The following AGO2 variants were observed in gnomAD, a reference collection of about 807,000 sequenced individuals.
The protein encoded by AGO2 is argonaute RISC catalytic component 2.
Under a neutral mutation model 102.3 loss-of-function variants are expected in AGO2, and 5 were observed. The observed-to-expected ratio is 0.05, with a 90% CI of 0.03 to 0.10. The LOEUF (loss-of-function observed/expected upper bound fraction) is 0.10. AGO2 is among the 10% of genes least tolerant of loss of function. The probability of loss-of-function intolerance (pLI) is 1.00; values close to 1 mark genes in which losing one functional copy is unlikely to be tolerated. For missense variants in AGO2, 541 were observed against 1,183.7 expected (o/e 0.46, Z 7.97); for synonymous variants, 449 against 473.1 (o/e 0.95, Z 0.66).
chr8:140,637,106 T>C (rs1048140247), upstream of AGO2: 4 of 152,300 alleles, frequency 2.6e-5, no homozygotes, highest in African/African-American at 7.2e-5. Context: ...GGCCTGTTCC[T>C]TCCTGCAATG....
chr8:140,580,144 T>C (rs1325199954), intron 2 of AGO2, among the ~76,000 whole-genome samples: 2 of 152,146 alleles, frequency 1.3e-5, no homozygotes, highest in Non-Finnish European at 2.9e-5. Context: ...GGCTGTGTTG[T>C]GCAGCCACCT....
At chr8:140,569,158 G>A (rs2073339470) in intron 3 of AGO2, among the ~76,000 whole-genome samples, 2 of 152,240 alleles carry the variant, frequency 1.3e-5, no homozygotes. Context: ...GCCATGGCAT[G>A]GCTGAGCTGC....
rs1554707883 is a variant in AGO2, at chr8:140,588,587, G to GAGT, written c.23-3277_23-3276insACT. Among the ~76,000 whole-genome samples the GAGT allele has an allele frequency of 1.7e-4, 25 of 143,154 alleles. 1 individual carries two copies. The highest frequency in any genetic ancestry group is 3.0e-4 in the Non-Finnish European group (20 of 65,900). 93.9% of individuals were successfully genotyped at this position (143,154 alleles called of 152,430 possible). On this transcript the variant is annotated intron_variant, in intron 1 of 18. Transcript: ENST00000220592. Reference sequence around the variant, plus strand: ...GGGAAGGAGGGAGGGAGTAAAGAAGGGAGGCAGGGAGAGAGGGAGGGAGGG... The same window carrying GAGT: ...GGGAAGGAGGGAGGGAGTAAAGAAGGAGTGAGGCAGGGAGAGAGGGAGGGAGGG...
At chr8:140,559,668 A>G (rs1027515774) in intron 5 of AGO2, 139 bp from the exon 6 acceptor site, 16 of 1,155,812 alleles carry the variant, frequency 1.4e-5, no homozygotes, top group Middle Eastern at 5.7e-4. Flanking sequence ...TACTGAGGCT[A>G]GCCTCAGGCC....
intron 7 of AGO2, among the ~76,000 whole-genome samples, chr8:140,558,127 G>A (rs910784470): frequency 6.6e-6 from 1 of 152,202 alleles, no homozygotes; most frequent in East Asian, 1.9e-4. Context: ...GATGGGACAC[G>A]CGGACTGGCC....
intron 1 of AGO2, among the ~76,000 whole-genome samples, chr8:140,591,029 T>A (rs62529972): frequency 6.6e-6 from 1 of 151,898 alleles, no homozygotes; most frequent in Non-Finnish European, 1.5e-5. Context: ...CTTGGGCCCA[T>A]GGGAAGGCTG....
intron 13 of AGO2, 61 bp downstream of exon 13, chr8:140,547,407 C>A: frequency 1.3e-6 from 2 of 1,580,366 alleles, no homozygotes; most frequent in East Asian, 2.2e-5. Context: ...CTGCACCCCA[C>A]CCTGCCAAGC....
At chr8:140,629,738 G>A (rs1334353230) in intron 1 of AGO2, among the ~76,000 whole-genome samples, 1 of 151,816 alleles carries the variant, frequency 6.6e-6, no homozygotes, top group Non-Finnish European at 1.5e-5. Context: ...GCCCAAAAGG[G>A]CTGAGGTGGA....
chr8:140,580,592 C>A (rs1489335819), intron 2 of AGO2, among the ~76,000 whole-genome samples: 3 of 152,192 alleles, frequency 2.0e-5, no homozygotes, highest in East Asian at 1.9e-4. Flanking sequence ...ATCCACCTCC[C>A]CACTGGGGAC....
chr8:140,593,570 AAC>A (rs2133034744), intron 1 of AGO2, among the ~76,000 whole-genome samples: 1 of 134,762 alleles, frequency 7.4e-6, no homozygotes, highest in Non-Finnish European at 1.6e-5. Context: ...AAAAAAAAAA[AAC>A]TTTGTGCCCT....
intron 14 of AGO2, among the ~76,000 whole-genome samples, chr8:140,543,119 A>G (rs1011148969): frequency 6.6e-6 from 1 of 151,752 alleles, no homozygotes; most frequent in Non-Finnish European, 1.5e-5. Context: ...CCCGGGTGAC[A>G]GTTACTCTGT....
At chr8:140,626,555 C>A (rs1253813522) in intron 1 of AGO2, 6 of 152,190 alleles carry the variant, frequency 3.9e-5, no homozygotes, top group Non-Finnish European at 7.3e-5. Context: ...ACCATGAGGA[C>A]GAGGTTTTCA....
At chr8:140,566,686 G>A (rs957852780) in intron 3 of AGO2, among the ~76,000 whole-genome samples, 2 of 150,764 alleles carry the variant, frequency 1.3e-5, no homozygotes, top group African/African-American at 2.4e-5. Flanking sequence ...GAGGCGCCCC[G>A]GGCCAGGTGG....
In AGO2 at chr8:140,524,625, G is replaced by A. The variant is rs2072469309; in HGVS notation, c.*7419C>T. 6.6e-6 allele frequency: 1 copy of A among 152,346 alleles called. No individual in the cohort carries two copies. Among genetic ancestry groups the A allele is most frequent in the Admixed American group, 6.5e-5 (1 of 15,290 alleles). 9.4% of individuals were successfully genotyped at this position (152,346 alleles called of 1,614,324 possible). A position where few individuals can be genotyped will look rare whatever the true frequency, so the allele number is the denominator to read the frequency against. ...GGACACTGAGGACCGGACTTTAAAG[G>A]CACAGAGTCTGAGACTGGGTCTTCC... On this transcript the variant is annotated 3_prime_UTR_variant, in exon 19 of 19. Coordinates refer to ENST00000220592, the MANE Select transcript of AGO2 (RefSeq NM_012154.5).
intron 3 of AGO2, among the ~76,000 whole-genome samples, chr8:140,570,000 A>G (rs183279332): frequency 1.1e-4 from 16 of 152,354 alleles, no homozygotes; most frequent in Admixed American, 9.8e-4. Context: ...CACAGAAAAA[A>G]GACAAAACCC....
At chr8:140,562,699 G>T in intron 3 of AGO2, 65 bp from the exon 4 acceptor site, 2 of 1,552,846 alleles carry the variant, frequency 1.3e-6, no homozygotes, top group African/African-American at 1.3e-5. Context: ...ACGCAGCCTG[G>T]CAGTGGTTGG....
chr8:140,588,966 A>G (rs1475817264), intron 1 of AGO2, among the ~76,000 whole-genome samples: 2 of 152,266 alleles, frequency 1.3e-5, no homozygotes, highest in African/African-American at 4.8e-5. Context: ...AAAGGGAAAA[A>G]TAGTGAATGA....
Position 140,567,822 on chromosome 8 carries a change from C to T in AGO2, c.336+4990G>A, listed in dbSNP as rs2073311596. Among the ~76,000 whole-genome samples the T allele has an allele frequency of 6.6e-6, 1 of 152,114 alleles. No homozygotes were observed. The highest frequency in any genetic ancestry group is 1.5e-5 in the Non-Finnish European group (1 of 68,026). Reference sequence around the variant, plus strand: ...ACACAACTCAGCAACAAAGGGAAAACAGCACTCTAAAGAATGCAAAGAGGC... The same window carrying T: ...ACACAACTCAGCAACAAAGGGAAAATAGCACTCTAAAGAATGCAAAGAGGC... On this transcript the variant is annotated intron_variant, in intron 3 of 18. Coordinates refer to ENST00000220592, the MANE Select transcript of AGO2 (RefSeq NM_012154.5). The surrounding 1 kb of genome is among the most constrained non-coding windows in gnomAD (Gnocchi z 5.0).
intron 2 of AGO2, among the ~76,000 whole-genome samples, chr8:140,573,199 C>T (rs1423208156): frequency 2.0e-5 from 3 of 150,852 alleles, no homozygotes; most frequent in South Asian, 2.1e-4. Context: ...GACGGAGTTT[C>T]GCTCTTGTTG....
Sources: allele counts gnomAD v4.1 joint callset (sites outside exome capture counted in the v4.1 genomes callset), GRCh38; gene constraint gnomAD v4.1.1; non-coding constraint Gnocchi (gnomAD v3.1); transcripts MANE v1.5; gene names NCBI Gene and HGNC (gene_info 2026-07-23, HGNC 2026-07-21).